The following NKAIN2 variants were observed in gnomAD, a reference collection of about 807,000 sequenced individuals.
NKAIN2 encodes the protein sodium/potassium-transporting ATPase subunit beta-1-interacting protein 2.
NKAIN2 carries 14 observed loss-of-function variants against 32.6 expected under a neutral mutation model. The observed-to-expected ratio is 0.43, with a 90% CI of 0.28 to 0.67. The LOEUF is 0.67. Among genes scored for constraint, NKAIN2 ranks in the 30% least tolerant of loss-of-function variants. The pLI is 0.17. For synonymous variants in NKAIN2, 80 were observed against 87.2 expected (o/e 0.92, Z 0.46); for missense variants, 198 against 258.3 (o/e 0.77, Z 1.60).
At chr6:124,083,799 C>T (rs1403485509) in intron 1 of NKAIN2, among the ~76,000 whole-genome samples, 1 of 151,902 alleles carries the variant, frequency 6.6e-6, no homozygotes, top group Non-Finnish European at 1.5e-5. Context: ...AATACTAGGT[C>T]CCTGCAATTT....
intron 3 of NKAIN2, among the ~76,000 whole-genome samples, chr6:124,516,602 A>G (rs1043089138): frequency 6.6e-6 from 1 of 152,152 alleles, no homozygotes; most frequent in Non-Finnish European, 1.5e-5. Flanking sequence ...AGACATTTAC[A>G]TTTGCCTCTC....
At chr6:124,500,430 C>T (rs2114746389) in intron 3 of NKAIN2, among the ~76,000 whole-genome samples, 1 of 152,086 alleles carries the variant, frequency 6.6e-6, no homozygotes. Flanking sequence ...TGGTGGATCA[C>T]TTGAATCCAG....
At chr6:124,214,788 A>G (rs1384363844) in intron 1 of NKAIN2, among the ~76,000 whole-genome samples, 1 of 152,210 alleles carries the variant, frequency 6.6e-6, no homozygotes, top group Non-Finnish European at 1.5e-5. Flanking sequence ...TTTAAAAATC[A>G]TTTGAAAGTC....
At chr6:124,508,244 A>G (rs1778564871) in intron 3 of NKAIN2, among the ~76,000 whole-genome samples, 1 of 152,148 alleles carries the variant, frequency 6.6e-6, no homozygotes, top group African/African-American at 2.4e-5. Flanking sequence ...GTGACAGAGT[A>G]AGATCCGGCC....
chr6:124,157,652 G>A (rs1022151212), intron 1 of NKAIN2, among the ~76,000 whole-genome samples: 15 of 152,034 alleles, frequency 9.9e-5, no homozygotes, highest in Non-Finnish European at 1.6e-4. Flanking sequence ...GATCATGTAC[G>A]TATGCTTTTT....
chr6:124,194,466 G>A (rs764003638), intron 1 of NKAIN2, among the ~76,000 whole-genome samples: 32 of 151,850 alleles, frequency 2.1e-4, no homozygotes, highest in Non-Finnish European at 3.5e-4. Flanking sequence ...TTTTTAATTG[G>A]AATGTTGATA....
At chr6:124,082,050 A>G (rs1045713321) in intron 1 of NKAIN2, among the ~76,000 whole-genome samples, 2 of 152,050 alleles carry the variant, frequency 1.3e-5, no homozygotes, top group African/African-American at 4.8e-5. Context: ...TGTGATGGGA[A>G]GGGTATTTTA....
At chr6:123,893,305 A>G (rs896174437) in intron 1 of NKAIN2, among the ~76,000 whole-genome samples, 3 of 152,168 alleles carry the variant, frequency 2.0e-5, no homozygotes, top group African/African-American at 7.2e-5. Flanking sequence ...GACTCACATC[A>G]TCCTCCTGTC....
intron 3 of NKAIN2, among the ~76,000 whole-genome samples, chr6:124,587,377 G>A (rs538697521): frequency 4.0e-5 from 6 of 151,734 alleles, no homozygotes; most frequent in Admixed American, 1.3e-4. Flanking sequence ...ATGCCACCAC[G>A]CCCGGCTAAT....
chr6:124,514,317 A>G (rs533318389), intron 3 of NKAIN2, among the ~76,000 whole-genome samples: 1 of 152,286 alleles, frequency 6.6e-6, no homozygotes, highest in East Asian at 1.9e-4. Context: ...TGAAGTAAGG[A>G]TTGGACAATA....
At chr6:124,131,538 G>A (rs995200066) in intron 1 of NKAIN2, among the ~76,000 whole-genome samples, 1 of 152,136 alleles carries the variant, frequency 6.6e-6, no homozygotes, top group Non-Finnish European at 1.5e-5. Flanking sequence ...CAGCGAGACA[G>A]GCAAAAAACT....
At chr6:124,405,428 A>G (rs926043220) in intron 3 of NKAIN2, among the ~76,000 whole-genome samples, 2 of 152,084 alleles carry the variant, frequency 1.3e-5, no homozygotes, top group African/African-American at 4.8e-5. Context: ...GAAATGTAGG[A>G]TGGGATATTT....
At chr6:124,497,824 T>TAAAAA (rs33913104) in intron 3 of NKAIN2, among the ~76,000 whole-genome samples, 111 of 105,694 alleles carry the variant, frequency 1.1e-3, no homozygotes, top group African/African-American at 3.3e-3. Flanking sequence ...GAGTAAGGGG[T>TAAAAA]AAAAAAAAAA....
intron 2 of NKAIN2, among the ~76,000 whole-genome samples, chr6:124,338,794 G>T (rs1797991422): frequency 6.6e-6 from 1 of 152,158 alleles, no homozygotes; most frequent in Admixed American, 6.5e-5. Flanking sequence ...CTATTTGCAT[G>T]CCATTTAAAG....
chr6:124,581,637 A>G (rs2114940421), intron 3 of NKAIN2, among the ~76,000 whole-genome samples: 1 of 152,256 alleles, frequency 6.6e-6, no homozygotes, highest in South Asian at 2.1e-4. Flanking sequence ...ATGTCAAAAA[A>G]TATCAAATTA....
At chr6:123,995,600 T>A (rs1779586634) in intron 1 of NKAIN2, among the ~76,000 whole-genome samples, 1 of 152,152 alleles carries the variant, frequency 6.6e-6, no homozygotes, top group Non-Finnish European at 1.5e-5. Flanking sequence ...GAAATTAAGG[T>A]GTAGTCAGAT....
chr6:124,627,873 C>T (rs2114291919), intron 3 of NKAIN2, among the ~76,000 whole-genome samples: 1 of 152,290 alleles, frequency 6.6e-6, no homozygotes, highest in Non-Finnish European at 1.5e-5. Flanking sequence ...CACTCACATG[C>T]ATTCACAGGT....
rs150077190 is a variant in NKAIN2 at position 124,766,906 on chromosome 6, G to A, written c.475-24433G>A. On this transcript the variant is annotated intron_variant, in intron 4 of 6. Transcript: ENST00000368417. ...TGAGCTGTCTTGTTTTTTGTTTTTT[G>A]TTTTTTTGACGGAGTTTTGCTCTTG... Among the ~76,000 whole-genome samples the A allele has an allele frequency of 2.0e-4, 30 of 151,740 alleles. No homozygotes were observed. In the East Asian group the frequency reaches 5.0e-3, roughly 25 times the overall value.
intron 3 of NKAIN2, among the ~76,000 whole-genome samples, chr6:124,483,050 A>C (rs1777516757): frequency 6.6e-6 from 1 of 152,050 alleles, no homozygotes; most frequent in Non-Finnish European, 1.5e-5. Flanking sequence ...TGAACCCAGG[A>C]GGCGGAGCTT....
Sources: gnomAD v4.1 joint callset for allele counts (sites outside exome capture counted in the v4.1 genomes callset) on GRCh38, gnomAD v4.1.1 for gene constraint, MANE v1.5 for transcripts, NCBI Gene and HGNC (gene_info 2026-07-23, HGNC 2026-07-21) for gene names.